The following SLC15A1 variants were observed in gnomAD, a reference collection of about 807,000 sequenced individuals.
SLC15A1 encodes solute carrier family 15 member 1, also known as Caco-2 oligopeptide transporter.
Under a neutral mutation model 92.9 loss-of-function variants are expected in SLC15A1, and 83 were observed. The observed-to-expected ratio is 0.89, with a 90% CI of 0.75 to 1.07. The LOEUF (loss-of-function observed/expected upper bound fraction) is 1.07, where lower values mean the gene tolerates loss of function less well. SLC15A1 is among the 50% of genes least tolerant of loss of function. The probability of loss-of-function intolerance (pLI) is 0.00; values close to 1 mark genes in which losing one functional copy is unlikely to be tolerated. For synonymous variants in SLC15A1, 322 were observed against 318.2 expected (o/e 1.01, Z -0.13); for missense variants, 857 against 880.1 (o/e 0.97, Z 0.33).
Position 98,725,473 on chromosome 13 carries a change from C to G in SLC15A1, c.245+650G>C, listed in dbSNP as rs79628769. 1.6e-3 allele frequency among the ~76,000 whole-genome samples: 249 copies of G among 152,268 alleles called. 3 individuals are homozygous for G. In the East Asian group the frequency reaches 0.044, roughly 27 times the overall value. On this transcript the variant is annotated intron_variant, in intron 4 of 22. Transcript: ENST00000376503. ...CAAGCAGCGTGAGCCCCTCAGCAGC[C>G]AAGGGGGTATTTTAGAGAGTTTCTT...
intron 11 of SLC15A1, among the ~76,000 whole-genome samples, chr13:98,710,643 C>A (rs1271117356): frequency 6.6e-6 from 1 of 151,676 alleles, no homozygotes; most frequent in East Asian, 1.9e-4. Context: ...CAGCAGAACC[C>A]CGTCTCTACT....
At chr13:98,707,723 C>A (rs2088123818) in intron 15 of SLC15A1, among the ~76,000 whole-genome samples, 1 of 151,694 alleles carries the variant, frequency 6.6e-6, no homozygotes, top group Non-Finnish European at 1.5e-5. Flanking sequence ...GGGACCCTGG[C>A]TTTACAAAAA....
intron 17 of SLC15A1, among the ~76,000 whole-genome samples, chr13:98,703,421 G>C (rs1421463350): frequency 2.6e-5 from 4 of 151,624 alleles, no homozygotes; most frequent in Non-Finnish European, 5.9e-5. Context: ...AAATGACCAA[G>C]AGTCTTAATT....
In SLC15A1 at chr13:98,702,486, C is replaced by T; in HGVS notation, c.1460G>A (p.Gly487Glu). The change falls in exon 18 of 23, where the codon GGA (glycine) becomes GAA (glutamate). Residue 487 changes from glycine (G) to glutamate (E), a missense_variant. Transcript: ENST00000376503. Reference protein sequence around the residue: ...LNQKPEKGENGIRFVNTFNEL... With the variant: ...LNQKPEKGENEIRFVNTFNEL... Reference sequence around the variant, plus strand: ...TTTAAAGAAATATACATACCTGATTCCATTTTCCCCTTTTTCTGGCTTCTG... The same window carrying T: ...TTTAAAGAAATATACATACCTGATTTCATTTTCCCCTTTTTCTGGCTTCTG... 1 of 1,605,676 alleles carries T rather than the reference C, an allele frequency of 6.2e-7. No homozygotes were observed. The highest frequency in any genetic ancestry group is 8.5e-7 in the Non-Finnish European group (1 of 1,172,578).
At chr13:98,699,897 T>C (rs1314845162) in intron 18 of SLC15A1, among the ~76,000 whole-genome samples, 1 of 152,234 alleles carries the variant, frequency 6.6e-6, no homozygotes, top group African/African-American at 2.4e-5. Flanking sequence ...TTATTTGTCA[T>C]GTGTGTATAT....
At chr13:98,739,317 G>T (rs2088421300) in intron 1 of SLC15A1, among the ~76,000 whole-genome samples, 1 of 152,206 alleles carries the variant, frequency 6.6e-6, no homozygotes, top group Admixed American at 6.5e-5. Context: ...AGGCATGCTT[G>T]TATTTTGAAA....
At chr13:98,750,048 G>A (rs552691912) in intron 1 of SLC15A1, among the ~76,000 whole-genome samples, 1 of 152,214 alleles carries the variant, frequency 6.6e-6, no homozygotes, top group East Asian at 1.9e-4. Context: ...AAACAAAGGA[G>A]GTGCCGTTCA....
chr13:98,721,276 ACT>A (rs1372583390), intron 7 of SLC15A1: 2 of 675,760 alleles, frequency 3.0e-6, no homozygotes, highest in Non-Finnish European at 5.6e-6. Flanking sequence ...GATGGCTTAG[ACT>A]CTCCAGTGGT....
intron 1 of SLC15A1, 113 bp from the exon 2 acceptor site, chr13:98,726,972 A>T: frequency 1.1e-6 from 1 of 923,234 alleles, no homozygotes; most frequent in Non-Finnish European, 1.8e-6. Flanking sequence ...CATTCACCAA[A>T]CAGCTCCAGC....
At chr13:98,720,720 T>C (rs2088250114) in intron 7 of SLC15A1, 1 of 225,042 alleles carries the variant, frequency 4.4e-6, no homozygotes, top group Non-Finnish European at 8.9e-6. Context: ...GAGCAGTTCT[T>C]TTGGAAATAC....
At position 98,726,599 on chromosome 13, in the gene SLC15A1, T is replaced by C. The variant is rs929570911; in HGVS notation, c.22-150A>G. The C allele has an allele frequency of 1.1e-5, 9 of 794,612 alleles. No individual in the cohort carries two copies. The Admixed American group carries it at 1.6e-4, about 14-fold the overall frequency. 49.2% of individuals were successfully genotyped at this position (794,612 alleles called of 1,614,324 possible). ...GCAGGAAACTAGCATTTAATCATTT[T>C]ATTCCCTACACTAATCCTTCCACAT... On this transcript the variant is annotated intron_variant, in intron 2 of 22. Transcript: ENST00000376503.
intron 18 of SLC15A1, among the ~76,000 whole-genome samples, chr13:98,698,406 C>A (rs886516339): frequency 1.3e-5 from 2 of 152,056 alleles, no homozygotes; most frequent in African/African-American, 4.8e-5. Flanking sequence ...CATTTCACCA[C>A]CATTTGTATT....
chr13:98,725,400 G>C (rs1464179821), intron 4 of SLC15A1, among the ~76,000 whole-genome samples: 1 of 152,122 alleles, frequency 6.6e-6, no homozygotes, highest in Admixed American at 6.5e-5. Flanking sequence ...AGCCCTTCCT[G>C]GAGGGCTGGG....
At chr13:98,697,216 C>T (rs547795266) in intron 18 of SLC15A1, among the ~76,000 whole-genome samples, 18 of 152,218 alleles carry the variant, frequency 1.2e-4, no homozygotes, top group African/African-American at 3.9e-4. Context: ...CCACCACGCC[C>T]GGCTAATTTT....
chr13:98,716,077 G>T, intron 8 of SLC15A1, 117 bp from the exon 9 acceptor site: 1 of 855,030 alleles, frequency 1.2e-6, no homozygotes, highest in Non-Finnish European at 1.9e-6. Context: ...GATTACTTAT[G>T]GAATGGGTTT....
intron 18 of SLC15A1, among the ~76,000 whole-genome samples, chr13:98,690,563 G>T (rs1208824951): frequency 6.6e-6 from 1 of 152,200 alleles, no homozygotes; most frequent in Non-Finnish European, 1.5e-5. Flanking sequence ...AAGGCTAGAG[G>T]ATTCTGAGCT....
intron 8 of SLC15A1, 92 bp from the exon 9 acceptor site, chr13:98,716,052 G>A (rs2139586856): frequency 1.8e-6 from 2 of 1,082,632 alleles, no homozygotes; most frequent in East Asian, 2.4e-5. Context: ...TTATAACTTT[G>A]TTTTGGGATA....
intron 1 of SLC15A1, among the ~76,000 whole-genome samples, chr13:98,742,389 T>C (rs1385075649): frequency 2.6e-5 from 4 of 152,206 alleles, no homozygotes; most frequent in Non-Finnish European, 5.9e-5. Flanking sequence ...ATCTGTCGTG[T>C]GCTGGACAGC....
chr13:98,749,998 A>G (rs1334617265), intron 1 of SLC15A1, among the ~76,000 whole-genome samples: 1 of 152,094 alleles, frequency 6.6e-6, no homozygotes, highest in Non-Finnish European at 1.5e-5. Flanking sequence ...AGCATTTCCT[A>G]CCTGGGGCTT....
Sources: gnomAD v4.1 joint callset for allele counts (sites outside exome capture counted in the v4.1 genomes callset) on GRCh38, gnomAD v4.1.1 for gene constraint, MANE v1.5 for transcripts, NCBI Gene and HGNC (gene_info 2026-07-23, HGNC 2026-07-21) for gene names.